PLPP1: variants seen among roughly 807,000 people sequenced by gnomAD.
PLPP1 encodes phospholipid phosphatase 1.
PLPP1 carries 24 observed loss-of-function variants against 31.2 expected under a neutral mutation model. The observed-to-expected ratio is 0.77, with a 90% CI of 0.56 to 1.08. The LOEUF (loss-of-function observed/expected upper bound fraction) is 1.08, where lower values mean the gene tolerates loss of function less well. Ranked by LOEUF, PLPP1 falls within the 50% of genes least tolerant of loss-of-function variation. The pLI is 0.00. For missense variants in PLPP1, 319 were observed against 342.7 expected, an observed-to-expected ratio of 0.93 and a Z score of 0.55; for synonymous variants, 146 against 126.3, an observed-to-expected ratio of 1.16 and a Z score of -1.05.
chr5:55,478,861 G>T (rs373749105), intron 1 of PLPP1, among the ~76,000 whole-genome samples: 1 of 152,082 alleles, frequency 6.6e-6, no homozygotes, highest in South Asian at 2.1e-4. Flanking sequence ...TCAAGTTTTG[G>T]TAAGGAAATA....
chr5:55,511,289 T>C (rs1316572408), intron 1 of PLPP1, among the ~76,000 whole-genome samples: 1 of 152,172 alleles, frequency 6.6e-6, no homozygotes, highest in Non-Finnish European at 1.5e-5. Context: ...TTGCCAAAGT[T>C]TCCACAAGGA....
intron 1 of PLPP1, among the ~76,000 whole-genome samples, chr5:55,529,831 A>G (rs1740597631): frequency 1.3e-5 from 2 of 152,196 alleles, no homozygotes; most frequent in Admixed American, 6.5e-5. Context: ...AATGGGAGGA[A>G]TGTACCAAAT....
chr5:55,447,123 G>C (rs1367628453), intron 3 of PLPP1, among the ~76,000 whole-genome samples: 1 of 152,192 alleles, frequency 6.6e-6, no homozygotes, highest in Non-Finnish European at 1.5e-5. Context: ...GTATCATGTA[G>C]CACGTTTAGC....
chr5:55,503,777 A>T, intron 1 of PLPP1, among the ~76,000 whole-genome samples: 1 of 138,230 alleles, frequency 7.2e-6, no homozygotes, highest in African/African-American at 2.7e-5. Context: ...AGGCTGTCTC[A>T]AAACGAAGGA....
intron 1 of PLPP1, among the ~76,000 whole-genome samples, chr5:55,490,268 G>A (rs913243460): frequency 2.0e-5 from 3 of 148,234 alleles, no homozygotes; most frequent in Non-Finnish European, 4.4e-5. Context: ...CTCCTGCCTC[G>A]GCCTCCCGAG....
chr5:55,424,875 A>T lies in PLPP1; in HGVS notation c.*331T>A. The T allele has an allele frequency of 1.3e-6, 1 of 779,340 alleles. No individual in the cohort carries two copies. The highest frequency in any genetic ancestry group is 2.2e-6 in the Non-Finnish European group (1 of 461,068). The allele number at this position is 779,340 out of a possible 1,614,324, so 48.3% of individuals were successfully genotyped here. On this transcript the variant is annotated 3_prime_UTR_variant, in exon 6 of 6. Coordinates refer to ENST00000307259, the MANE Select transcript of PLPP1 (RefSeq NM_003711.4). Reference sequence around the variant, plus strand: ...TGGATTTGGTTCTCCCATACATTTTAATATGTATTATATTTAAATCAAACA... The same window carrying T: ...TGGATTTGGTTCTCCCATACATTTTTATATGTATTATATTTAAATCAAACA...
intron 3 of PLPP1, among the ~76,000 whole-genome samples, chr5:55,445,719 AT>A: frequency 6.6e-6 from 1 of 151,616 alleles, no homozygotes; most frequent in Non-Finnish European, 1.5e-5. Flanking sequence ...TAATTTTTGT[AT>A]TTTTAGTAGA....
chr5:55,427,100 A>G (rs568884258), intron 4 of PLPP1, among the ~76,000 whole-genome samples: 1 of 152,216 alleles, frequency 6.6e-6, no homozygotes, highest in African/African-American at 2.4e-5. Context: ...AAAAAAAAAA[A>G]AAAAGAAAAC....
chr5:55,534,726 G>T lies in PLPP1; in HGVS notation c.-97C>A. The T allele has an allele frequency of 7.7e-7, 1 of 1,298,322 alleles. No individual in the cohort carries two copies. The highest frequency in any genetic ancestry group is 1.0e-6 in the Non-Finnish European group (1 of 959,586). 80.4% of individuals were successfully genotyped at this position (1,298,322 alleles called of 1,614,324 possible). A position where few individuals can be genotyped will look rare whatever the true frequency, so the allele number is the denominator to read the frequency against. Reference sequence around the variant, plus strand: ...CGAGCCCGGGCCGGGGCTGGCGACGGCCCCGAGCTACGGCCCCTCCCAGCC... The same window carrying T: ...CGAGCCCGGGCCGGGGCTGGCGACGTCCCCGAGCTACGGCCCCTCCCAGCC... On this transcript the variant is annotated 5_prime_UTR_variant, in exon 1 of 6. Coordinates refer to ENST00000307259, the MANE Select transcript of PLPP1 (RefSeq NM_003711.4).
intron 3 of PLPP1, among the ~76,000 whole-genome samples, chr5:55,451,796 C>T (rs781474490): frequency 1.4e-4 from 21 of 152,056 alleles, no homozygotes; most frequent in African/African-American, 4.6e-4. Flanking sequence ...CTCCTGACCT[C>T]GTGATCTGCC....
chr5:55,458,887 CAAAA>C (rs529067608), intron 3 of PLPP1, among the ~76,000 whole-genome samples: 74 of 21,080 alleles, frequency 3.5e-3, no homozygotes, highest in African/African-American at 7.3e-3. Context: ...ACCCTGTCTC[CAAAA>C]AAAAAAAAAA....
intron 4 of PLPP1, among the ~76,000 whole-genome samples, chr5:55,429,910 C>T (rs1561219524): frequency 6.6e-6 from 1 of 152,082 alleles, no homozygotes; most frequent in Non-Finnish European, 1.5e-5. Flanking sequence ...AAAAACACCC[C>T]TACCTACCAC....
At chr5:55,511,665 T>G (rs1385982393) in intron 1 of PLPP1, among the ~76,000 whole-genome samples, 8 of 123,488 alleles carry the variant, frequency 6.5e-5, no homozygotes, top group East Asian at 2.4e-4. Flanking sequence ...TTTTTTTTTT[T>G]TTTTTTTTTT....
intron 1 of PLPP1, among the ~76,000 whole-genome samples, chr5:55,489,279 CT>C (rs1433889443): frequency 6.6e-6 from 1 of 152,150 alleles, no homozygotes; most frequent in African/African-American, 2.4e-5. Flanking sequence ...GCAAGTTTTT[CT>C]TAAAAAAGAA....
intron 4 of PLPP1, among the ~76,000 whole-genome samples, 190 bp downstream of exon 4, chr5:55,441,661 C>T (rs1751622901): frequency 6.6e-6 from 1 of 152,200 alleles, no homozygotes; most frequent in African/African-American, 2.4e-5. Context: ...TCCAGAAAAC[C>T]ACTTCAGGAA....
chr5:55,465,349 C>G lies in PLPP1; in HGVS notation c.491+2520G>C, dbSNP rs558278902. 5.9e-5 allele frequency among the ~76,000 whole-genome samples: 9 copies of G among 152,064 alleles called. No homozygotes were observed. In the East Asian group the frequency reaches 1.5e-3, roughly 26 times the overall value. On this transcript the variant is annotated intron_variant, in intron 3 of 5. Coordinates refer to ENST00000307259, the MANE Select transcript of PLPP1 (RefSeq NM_003711.4). The stretch of plus-strand genomic sequence containing the variant: ...CATGAGCCACCACGCCAGCCGTACT[C>G]CTATAGCTGGTTTTATCATTGCATT...
intron 4 of PLPP1, among the ~76,000 whole-genome samples, chr5:55,428,602 A>C (rs996675929): frequency 3.3e-5 from 5 of 152,226 alleles, no homozygotes; most frequent in Non-Finnish European, 5.9e-5. Context: ...CTTCCTTTAA[A>C]AGAAAGTCTA....
intron 1 of PLPP1, among the ~76,000 whole-genome samples, chr5:55,495,845 T>C (rs1752993434): frequency 6.6e-6 from 1 of 152,014 alleles, no homozygotes; most frequent in African/African-American, 2.4e-5. Flanking sequence ...ATTTTTGTTT[T>C]GTTTTGTTTT....
At chr5:55,453,851 G>C (rs1004958360) in intron 3 of PLPP1, among the ~76,000 whole-genome samples, 1 of 152,114 alleles carries the variant, frequency 6.6e-6, no homozygotes, top group Non-Finnish European at 1.5e-5. Flanking sequence ...TGAGGCAGGA[G>C]AATCGCTTGA....
Sources: allele counts gnomAD v4.1 joint callset (sites outside exome capture counted in the v4.1 genomes callset), GRCh38; gene constraint gnomAD v4.1.1; transcripts MANE v1.5; gene names NCBI Gene and HGNC (gene_info 2026-07-23, HGNC 2026-07-21).